LRRC46: variants seen among roughly 807,000 people sequenced by gnomAD.
LRRC46 encodes the protein leucine rich repeat containing 46, also known as leucine-rich repeat-containing protein 46.
Under a neutral mutation model 28.0 loss-of-function variants are expected in LRRC46, and 20 were observed. The ratio of observed to expected loss-of-function variants is 0.71; its 90% CI spans 0.50 to 1.04. LRRC46 has a LOEUF of 1.04. Among genes scored for constraint, LRRC46 ranks in the 50% least tolerant of loss-of-function variants. LRRC46 has a pLI of 0.00. For synonymous variants in LRRC46, 156 were observed against 158.8 expected (o/e 0.98, Z 0.13); for missense variants, 315 against 390.1 (o/e 0.81, Z 1.62).
rs2033694575 is a variant in LRRC46 at position 47,836,273 on chromosome 17, C to G, written c.453-60C>G. 10 of 1,604,452 alleles carry G rather than the reference C, an allele frequency of 6.2e-6. No homozygotes were observed. In the South Asian group the frequency reaches 1.1e-4, roughly 18 times the overall value. Reference sequence around the variant, plus strand: ...CGGGTGTGAGTGCTGTGGTGCGTGTCTTTGCATCCTCCACGCCAGGGTGCC... The same window carrying G: ...CGGGTGTGAGTGCTGTGGTGCGTGTGTTTGCATCCTCCACGCCAGGGTGCC... On this transcript the variant is annotated intron_variant, in intron 6 of 7. Transcript: ENST00000269025. This position sits in a 1 kb window ranked among gnomAD's most constrained non-coding sequence, Gnocchi z 5.8.
chr17:47,837,658 C>A lies in LRRC46; in HGVS notation c.*538C>A. On this transcript the variant is annotated 3_prime_UTR_variant, in exon 8 of 8. Coordinates refer to ENST00000269025, the MANE Select transcript of LRRC46 (RefSeq NM_033413.4). ...CTTTGGGCCTCACTTGGCTCTCCCA[C>A]CCCCACTGGTCCTGGGATAAAGTTC... 1.3e-6 allele frequency: 1 copy of A among 756,806 alleles called. No individual in the cohort carries two copies. Among genetic ancestry groups the A allele is most frequent in the Non-Finnish European group, 2.0e-6 (1 of 503,684 alleles). 46.9% of individuals were successfully genotyped at this position (756,806 alleles called of 1,614,324 possible).
Position 47,836,563 on chromosome 17 carries a change from C to A in LRRC46, c.595+88C>A. 1 of 1,548,462 alleles carries A rather than the reference C, an allele frequency of 6.5e-7. No individual in the cohort carries two copies. Among genetic ancestry groups the A allele is most frequent in the South Asian group, 1.2e-5 (1 of 81,682 alleles). ...GGGAAGCTAAGGTGGCAGTGGCGTC[C>A]GGGGAGGGGAGCCCCAAGTTCAGAT... On this transcript the variant is annotated intron_variant, in intron 7 of 7. Coordinates refer to ENST00000269025, the MANE Select transcript of LRRC46 (RefSeq NM_033413.4). The surrounding 1 kb of genome is among the most constrained non-coding windows in gnomAD (Gnocchi z 5.8).
intron 3 of LRRC46, 58 bp downstream of exon 3, chr17:47,834,591 A>G (rs2033673083): frequency 2.5e-6 from 3 of 1,222,912 alleles, no homozygotes; most frequent in Middle Eastern, 1.9e-4. Flanking sequence ...AATCTGTCTC[A>G]TCTGAAAGGA....
intron 2 of LRRC46, among the ~76,000 whole-genome samples, chr17:47,832,414 T>C (rs561495355): frequency 6.6e-6 from 1 of 152,312 alleles, no homozygotes; most frequent in African/African-American, 2.4e-5. Context: ...GATAAGGCCG[T>C]GTTCACCTCT....
In LRRC46 at chr17:47,836,376, G is replaced by A. The variant is rs772650862; in HGVS notation, c.496G>A (p.Gly166Arg). ...CCTGCCACTTCTCCTGGACCTGGAC[G>A]GGCAGCCTGTGGTGGAGCGCTGGAT... Reference protein sequence around the residue: ...EALPLLLDLDGQPVVERWISD... With the variant: ...EALPLLLDLDRQPVVERWISD... The change falls in exon 7 of 8, where the codon GGG (glycine) becomes AGG (arginine). Residue 166 changes from glycine (G) to arginine (R), a missense_variant. Physicochemically the swap from Gly to Arg is moderately radical, Grantham distance 125. Transcript: ENST00000269025. This position sits in a 1 kb window ranked among gnomAD's most constrained non-coding sequence, Gnocchi z 5.8. 16 of 1,613,992 alleles carry A rather than the reference G, an allele frequency of 9.9e-6. No individual in the cohort carries two copies. The highest frequency in any genetic ancestry group is 1.7e-4 in the Middle Eastern group (1 of 6,054).
chr17:47,836,088 C>T lies in LRRC46; in HGVS notation c.438C>T (p.Asn146=). ...ACCTGTCTGGAAACAGCTGCACCAA[C>T]CAGGATGGCTACCGGTAAGGAGTGG... is the stretch of plus-strand genomic sequence containing the variant. The part of the protein sequence containing the change: ...ILNLSGNSCT[N]QDGYRELVTE... Residue 146 remains asparagine, a synonymous_variant, in exon 6 of 8, where the codon AAC becomes AAT. Coordinates refer to ENST00000269025, the MANE Select transcript of LRRC46 (RefSeq NM_033413.4). The surrounding 1 kb of genome is among the most constrained non-coding windows in gnomAD (Gnocchi z 5.8). The T allele has an allele frequency of 1.2e-6, 2 of 1,614,146 alleles. No homozygotes were observed. Among genetic ancestry groups the T allele is most frequent in the Non-Finnish European group, 1.7e-6 (2 of 1,180,008 alleles).
In LRRC46 at chr17:47,837,098, C is replaced by T. The variant is rs779119144; in HGVS notation, c.944C>T (p.Thr315Met). ...VAEAPSTTKT[T>M]AKRSKK Reference sequence around the variant, plus strand: ...GAGGCCCCCAGCACAACCAAAACTACGGCCAAGAGAAGCAAGAAATGATTC... The same window carrying T: ...GAGGCCCCCAGCACAACCAAAACTATGGCCAAGAGAAGCAAGAAATGATTC... The change falls in exon 8 of 8, where the codon ACG (threonine) becomes ATG (methionine). Residue 315 changes from threonine (T) to methionine (M), a missense_variant. By Grantham distance (81) the Thr-to-Met change is moderately conservative (BLOSUM62 -1). Transcript: ENST00000269025. 3.3e-5 allele frequency: 53 copies of T among 1,604,156 alleles called. No individual in the cohort carries two copies. Among genetic ancestry groups the T allele is most frequent in the Middle Eastern group, 3.3e-4 (2 of 6,032 alleles).
At position 47,837,634 on chromosome 17, in the gene LRRC46, TTTGGGCCTCAC is replaced by T; in HGVS notation, c.*519_*529del. 3 of 612,532 alleles carry T rather than the reference TTTGGGCCTCAC, an allele frequency of 4.9e-6. No homozygotes were observed. The South Asian group carries it at 7.0e-5, about 14-fold the overall frequency. The allele number at this position is 612,532 out of a possible 1,614,324, so 37.9% of individuals were successfully genotyped here. Reference sequence around the variant, plus strand: ...GCCCCGCAGCCAGCCCACAGCTGCCTTTGGGCCTCACTTGGCTCTCCCACCCCCACTGGTCC... The same window carrying T: ...GCCCCGCAGCCAGCCCACAGCTGCCTTTGGCTCTCCCACCCCCACTGGTCC... On this transcript the variant is annotated 3_prime_UTR_variant, in exon 8 of 8. Coordinates refer to ENST00000269025, the MANE Select transcript of LRRC46 (RefSeq NM_033413.4).
In LRRC46 at chr17:47,837,163, T is replaced by C. The variant is rs1284291124; in HGVS notation, c.*43T>C. The C allele has an allele frequency of 1.7e-5, 27 of 1,582,990 alleles. No individual in the cohort carries two copies. The highest frequency in any genetic ancestry group is 2.3e-5 in the Non-Finnish European group (27 of 1,172,454). ...TCTACTAGTGGAGAGGAGTGGGGCC[T>C]GCCCCTCTTCTCAGACCTCTGACCT... On this transcript the variant is annotated 3_prime_UTR_variant, in exon 8 of 8. Transcript: ENST00000269025.
At chr17:47,832,454 G>A (rs575520021) in intron 2 of LRRC46, among the ~76,000 whole-genome samples, 3 of 152,338 alleles carry the variant, frequency 2.0e-5, no homozygotes, top group Admixed American at 6.5e-5. Context: ...TTGGGAGGCT[G>A]AGGCAGGAGG....
chr17:47,834,616 C>A, intron 3 of LRRC46, 83 bp downstream of exon 3: 1 of 828,654 alleles, frequency 1.2e-6, no homozygotes, highest in Non-Finnish European at 2.0e-6. Flanking sequence ...ACCAGGTCAT[C>A]CTGCCCATTC....
At chr17:47,835,948 T>C (rs111357305) in intron 5 of LRRC46, 85 bp from the exon 6 acceptor site, 2 of 1,466,012 alleles carry the variant, frequency 1.4e-6, no homozygotes, top group African/African-American at 2.8e-5. Flanking sequence ...AGAAAGTGGG[T>C]ATGAGAACCC....
Position 47,837,061 on chromosome 17 carries a change from G to T in LRRC46, c.907G>T (p.Ala303Ser). 1 of 1,606,324 alleles carries T rather than the reference G, an allele frequency of 6.2e-7. No homozygotes were observed. The highest frequency in any genetic ancestry group is 1.1e-5 in the South Asian group (1 of 90,732). The change falls in exon 8 of 8, where the codon GCC becomes TCC. Residue 303 changes from alanine (A) to serine (S), a missense_variant. Physicochemically the swap from Ala to Ser is moderately conservative, Grantham distance 99. Transcript: ENST00000269025. Reference sequence around the variant, plus strand: ...GGCACGAGCAGCCACAGCCCCCAAGGCCTCTGTGGCTGAGGCCCCCAGCAC... The same window carrying T: ...GGCACGAGCAGCCACAGCCCCCAAGTCCTCTGTGGCTGAGGCCCCCAGCAC... ...KGARAATAPK[A>S]SVAEAPSTTK...
chr17:47,834,155 A>G (rs1273045904), intron 2 of LRRC46: 1 of 1,096,050 alleles, frequency 9.1e-7, no homozygotes, highest in Non-Finnish European at 1.1e-6. Flanking sequence ...TCCAGAAACC[A>G]TAAGCTGCCA....
In LRRC46 at chr17:47,836,937, C is replaced by T. The variant is rs768809588; in HGVS notation, c.783C>T (p.Val261=). ...SATPAQGEET[V]PEAVSSPQAS... ...CTCCTGCGCAAGGGGAGGAGACAGT[C>T]CCTGAGGCCGTCTCCTCACCCCAGG... Residue 261 remains valine (V), a synonymous_variant, in exon 8 of 8, where the codon GTC becomes GTT. Transcript: ENST00000269025. The surrounding 1 kb of genome is among the most constrained non-coding windows in gnomAD (Gnocchi z 5.8). 9.9e-6 allele frequency: 16 copies of T among 1,613,898 alleles called. No individual in the cohort carries two copies. Among genetic ancestry groups the T allele is most frequent in the Non-Finnish European group, 1.3e-5 (15 of 1,179,952 alleles).
At chr17:47,835,635 T>A in intron 4 of LRRC46, 31 bp from the exon 5 acceptor site, 1 of 1,598,726 alleles carries the variant, frequency 6.3e-7, no homozygotes, top group Non-Finnish European at 8.6e-7. Context: ...ATGATTCAGC[T>A]CTGCCTCTGT....
Position 47,836,624 on chromosome 17 carries a change from C to T in LRRC46, c.596-126C>T. 1 of 1,487,074 alleles carries T rather than the reference C, an allele frequency of 6.7e-7. No individual in the cohort carries two copies. The highest frequency in any genetic ancestry group is 9.0e-7 in the Non-Finnish European group (1 of 1,109,284). The allele number at this position is 1,487,074 out of a possible 1,614,324, so 92.1% of individuals were successfully genotyped here. ...GCCAGAGCCAGGTGTCAGTCCTGGG[C>T]CCCAGCCTCAGGCTCCTTCCCACAA... On this transcript the variant is annotated intron_variant, in intron 7 of 7. Coordinates refer to ENST00000269025, the MANE Select transcript of LRRC46 (RefSeq NM_033413.4). This position sits in a 1 kb window ranked among gnomAD's most constrained non-coding sequence, Gnocchi z 5.8.
Position 47,831,772 on chromosome 17 carries a change from C to A in LRRC46, c.-218C>A. On this transcript the variant is annotated 5_prime_UTR_variant, in exon 1 of 8. Transcript: ENST00000269025. ...CCCCAGCTTGCTGCCAGCAAAGCCCCTCCACACCCCTCAAACTCCAGACCC... is the reference window on the plus strand; with the variant it reads ...CCCCAGCTTGCTGCCAGCAAAGCCCATCCACACCCCTCAAACTCCAGACCC... The A allele has an allele frequency of 1.5e-6, 1 of 663,072 alleles. No homozygotes were observed. The highest frequency in any genetic ancestry group is 2.8e-5 in the Admixed American group (1 of 35,128). 41.1% of individuals were successfully genotyped at this position (663,072 alleles called of 1,614,324 possible). A position where few individuals can be genotyped will look rare whatever the true frequency, so the allele number is the denominator to read the frequency against.
chr17:47,835,623 C>A (rs769881926), intron 4 of LRRC46, 43 bp from the exon 5 acceptor site: 1 of 1,577,862 alleles, frequency 6.3e-7, no homozygotes, highest in South Asian at 1.1e-5. Context: ...TCCAGCTGTT[C>A]CATGATTCAG....
Sources: allele counts gnomAD v4.1 joint callset (sites outside exome capture counted in the v4.1 genomes callset), GRCh38; gene constraint gnomAD v4.1.1; non-coding constraint Gnocchi (gnomAD v3.1); transcripts MANE v1.5; gene names NCBI Gene and HGNC (gene_info 2026-07-23, HGNC 2026-07-21).